Variants in MYO16 observed in about 807,000 individuals in gnomAD.
MYO16 encodes the protein myosin XVI.
In MYO16, 94 loss-of-function variants were observed where a neutral mutation model predicts 205.3. The observed-to-expected ratio is 0.46, with a 90% CI of 0.39 to 0.54. The LOEUF is 0.54. Among genes scored for constraint, MYO16 ranks in the 20% least tolerant of loss-of-function variants. The pLI is 0.00. For synonymous variants in MYO16, 988 were observed against 954.0 expected, an observed-to-expected ratio of 1.04 and a Z score of -0.66; for missense variants, 2,315 against 2,387.5, an observed-to-expected ratio of 0.97 and a Z score of 0.63.
chr13:108,926,984 A>G (rs1882036006), intron 16 of MYO16, among the ~76,000 whole-genome samples: 1 of 152,186 alleles, frequency 6.6e-6, no homozygotes, highest in South Asian at 2.1e-4. Context: ...GGTATGGGAA[A>G]GGCCCCTGGC....
chr13:108,604,438 C>T (rs149808985), intron 1 of MYO16, among the ~76,000 whole-genome samples: 438 of 152,248 alleles, frequency 2.9e-3, no homozygotes, highest in Middle Eastern at 0.014. Context: ...AATGAAGTAA[C>T]ATTTAGAGAA....
At chr13:108,529,734 A>G in the MYO16 span, among the ~76,000 whole-genome samples, 1 of 152,118 alleles carries the variant, frequency 6.6e-6, no homozygotes, top group African/African-American at 2.4e-5. Flanking sequence ...TCTTTAATTC[A>G]TGCTGATTTG....
intron 1 of MYO16, among the ~76,000 whole-genome samples, chr13:108,645,459 A>G (rs1880710810): frequency 6.6e-6 from 1 of 152,054 alleles, no homozygotes; most frequent in Non-Finnish European, 1.5e-5. Flanking sequence ...AAGGCTCTCA[A>G]TGTGATTCCT....
rs1448444635 is a variant in MYO16 at position 108,908,816 on chromosome 13, A to C, written c.1778-1187A>C. ...TGGCAAAAGCCTGTCTCTACTAAAAATACAAAAATTAGCTGGTGTGGTGAC... is the reference window on the plus strand; with the variant it reads ...TGGCAAAAGCCTGTCTCTACTAAAACTACAAAAATTAGCTGGTGTGGTGAC... On this transcript the variant is annotated intron_variant, in intron 15 of 34. Transcript: ENST00000457511. 2.0e-5 allele frequency among the ~76,000 whole-genome samples: 3 copies of C among 152,046 alleles called. No homozygotes were observed. In the East Asian group the frequency reaches 5.8e-4, roughly 29 times the overall value.
At chr13:109,202,670 A>G (rs1773175304) in intron 34 of MYO16, among the ~76,000 whole-genome samples, 1 of 152,204 alleles carries the variant, frequency 6.6e-6, no homozygotes, top group Non-Finnish European at 1.5e-5. Context: ...CCATCAAAAT[A>G]CCACTATCAT....
intron 10 of MYO16, among the ~76,000 whole-genome samples, chr13:108,853,015 G>A (rs888323506): frequency 3.3e-5 from 5 of 152,220 alleles, no homozygotes; most frequent in Non-Finnish European, 7.3e-5. Flanking sequence ...AAGTAGGGAA[G>A]CTCAAATTCA....
chr13:108,805,575 A>G (rs888965643), intron 6 of MYO16, among the ~76,000 whole-genome samples: 48 of 151,772 alleles, frequency 3.2e-4, no homozygotes, highest in Non-Finnish European at 7.4e-5. Flanking sequence ...CTTTTCTGAT[A>G]GTTTCTTCTT....
chr13:109,155,072 ATT>A (rs1566538031), intron 32 of MYO16, among the ~76,000 whole-genome samples: 1 of 152,152 alleles, frequency 6.6e-6, no homozygotes, highest in East Asian at 1.9e-4. Flanking sequence ...TTTTCTGTGC[ATT>A]TTTGGGTACT....
intron 1 of MYO16, among the ~76,000 whole-genome samples, chr13:108,617,953 A>C (rs1879407138): frequency 6.6e-6 from 1 of 151,918 alleles, no homozygotes; most frequent in African/African-American, 2.4e-5. Flanking sequence ...AGATGGCCTC[A>C]CCAAACACCC....
At chr13:108,934,692 G>A (rs1882403961) in intron 16 of MYO16, among the ~76,000 whole-genome samples, 1 of 151,956 alleles carries the variant, frequency 6.6e-6, no homozygotes, top group Admixed American at 6.6e-5. Flanking sequence ...GCCCAGAATG[G>A]CATTTCCTAG....
chr13:108,591,688 T>C (rs1006878504), upstream of MYO16, among the ~76,000 whole-genome samples: 5 of 152,220 alleles, frequency 3.3e-5, no homozygotes, highest in Non-Finnish European at 7.3e-5. Context: ...GAGCCTTCAT[T>C]TTTATGTTAA....
upstream of MYO16, among the ~76,000 whole-genome samples, chr13:108,593,863 T>G (rs2139288003): frequency 6.6e-6 from 1 of 152,270 alleles, no homozygotes; most frequent in Non-Finnish European, 1.5e-5. Context: ...ATACCTCACC[T>G]GCTGTCCTCC....
intron 10 of MYO16, among the ~76,000 whole-genome samples, chr13:108,850,184 C>T (rs1401799431): frequency 6.6e-6 from 1 of 152,108 alleles, no homozygotes; most frequent in Non-Finnish European, 1.5e-5. Context: ...CCTCCAAATC[C>T]TGTTGCCCTG....
intron 16 of MYO16, among the ~76,000 whole-genome samples, chr13:108,912,467 A>T (rs186262870): frequency 2.6e-5 from 4 of 152,328 alleles, no homozygotes; most frequent in African/African-American, 9.6e-5. Context: ...ATAGAAATAT[A>T]AAAATTCCAA....
chr13:109,024,096 T>A (rs770821293), intron 23 of MYO16, among the ~76,000 whole-genome samples: 3 of 148,084 alleles, frequency 2.0e-5, no homozygotes, highest in Admixed American at 6.8e-5. Flanking sequence ...ACATAAACTA[T>A]AAAAATGTAT....
chr13:108,793,960 A>G (rs1165128256), intron 6 of MYO16, among the ~76,000 whole-genome samples: 1 of 152,208 alleles, frequency 6.6e-6, no homozygotes, highest in Non-Finnish European at 1.5e-5. Context: ...GGGATAAAGA[A>G]AACATCATCC....
intron 5 of MYO16, among the ~76,000 whole-genome samples, chr13:108,792,485 A>G (rs1396420096): frequency 6.6e-6 from 1 of 150,554 alleles, no homozygotes; most frequent in Non-Finnish European, 1.5e-5. Flanking sequence ...GACTTTATTC[A>G]TAGTTTTCCA....
chr13:108,954,189 G>A (rs937804732), intron 16 of MYO16, among the ~76,000 whole-genome samples: 1 of 152,190 alleles, frequency 6.6e-6, no homozygotes, highest in African/African-American at 2.4e-5. Flanking sequence ...AAATACTTAA[G>A]CTAGCTGGTG....
chr13:108,523,971 G>A, the MYO16 span, among the ~76,000 whole-genome samples: 2 of 152,182 alleles, frequency 1.3e-5, no homozygotes, highest in African/African-American at 2.4e-5. Flanking sequence ...CCTCATGATA[G>A]CGAATGAGTT....
Sources: allele counts gnomAD v4.1 joint callset (sites outside exome capture counted in the v4.1 genomes callset), GRCh38; gene constraint gnomAD v4.1.1; transcripts MANE v1.5; gene names NCBI Gene and HGNC (gene_info 2026-07-23, HGNC 2026-07-21).